TIMP2: variants seen among roughly 807,000 people sequenced by gnomAD.
The protein encoded by TIMP2 is metalloproteinase inhibitor 2.
Under a neutral mutation model 24.3 loss-of-function variants are expected in TIMP2, and 5 were observed. That is an observed-to-expected ratio of 0.21 (90% CI 0.11 to 0.43). TIMP2 has a LOEUF of 0.43. TIMP2 is among the 20% of genes least tolerant of loss of function. The pLI, the probability that TIMP2 is intolerant of heterozygous loss-of-function variation, is 1.00. For synonymous variants in TIMP2, 130 were observed against 123.2 expected (o/e 1.06, Z -0.37); for missense variants, 221 against 297.5 (o/e 0.74, Z 1.89).
At chr17:78,915,126 A>T (rs1005705272) in intron 1 of TIMP2, among the ~76,000 whole-genome samples, 1 of 143,592 alleles carries the variant, frequency 7.0e-6, no homozygotes, top group Non-Finnish European at 1.5e-5. Context: ...CAAACTCCTG[A>T]CCTCAGGTGA....
intron 1 of TIMP2, among the ~76,000 whole-genome samples, chr17:78,923,325 T>C (rs1182061324): frequency 7.1e-6 from 1 of 141,268 alleles, no homozygotes; most frequent in Non-Finnish European, 1.5e-5. Flanking sequence ...CCTTAACTTA[T>C]GCCAAGCAAG....
Position 78,855,303 on chromosome 17 carries a change from T to G in TIMP2, c.*364A>C. ...CAAAAGTTTCTGCAAAATGCACATT[T>G]CCAGGCCCTGCCCTAACCCAGCTGG... On this transcript the variant is annotated 3_prime_UTR_variant, in exon 5 of 5. Transcript: ENST00000262768. This position sits in a 1 kb window ranked among gnomAD's most constrained non-coding sequence, Gnocchi z 6.0. 1 of 325,788 alleles carries G rather than the reference T, an allele frequency of 3.1e-6. No individual in the cohort carries two copies. 20.2% of individuals were successfully genotyped at this position (325,788 alleles called of 1,614,324 possible).
In TIMP2 at chr17:78,896,756, C is replaced by T. The variant is rs1372935737; in HGVS notation, c.131-22837G>A. Reference sequence around the variant, plus strand: ...AGGCGAGTGGACACCAATCTGGCCTCCGGACGGCACCAGGGCCTCCCACAG... The same window carrying T: ...AGGCGAGTGGACACCAATCTGGCCTTCGGACGGCACCAGGGCCTCCCACAG... On this transcript the variant is annotated intron_variant, in intron 1 of 4. Transcript: ENST00000262768. The surrounding 1 kb of genome is among the most constrained non-coding windows in gnomAD (Gnocchi z 4.4). Among the ~76,000 whole-genome samples the T allele has an allele frequency of 6.6e-6, 1 of 152,148 alleles. No individual in the cohort carries two copies. The highest frequency in any genetic ancestry group is 1.5e-5 in the Non-Finnish European group (1 of 68,012).
At chr17:78,909,311 C>T (rs374603998) in intron 1 of TIMP2, among the ~76,000 whole-genome samples, 69 of 151,972 alleles carry the variant, frequency 4.5e-4, no homozygotes, top group African/African-American at 1.4e-3. Context: ...GCTAGGATCA[C>T]GCCACTGCAC....
In TIMP2 at chr17:78,879,626, T is replaced by C. The variant is rs145627774; in HGVS notation, c.131-5707A>G. On this transcript the variant is annotated intron_variant, in intron 1 of 4. Transcript: ENST00000262768. The stretch of plus-strand genomic sequence containing the variant: ...GGGGGAGTCTTTATAAAGACTCTCG[T>C]TCTAACTGCCCTGAGCCCAGAAACC... 9.8e-3 allele frequency among the ~76,000 whole-genome samples: 1,489 copies of C among 152,192 alleles called. 23 individuals are homozygous for C. Among genetic ancestry groups the C allele is most frequent in the African/African-American group, 0.035 (1,437 of 41,536 alleles).
intron 1 of TIMP2, among the ~76,000 whole-genome samples, chr17:78,893,609 G>A (rs1422844180): frequency 6.6e-6 from 1 of 151,996 alleles, no homozygotes; most frequent in African/African-American, 2.4e-5. Context: ...GTCTGTGTGT[G>A]CCTCTGTGTG....
At chr17:78,889,984 T>G (rs892066629) in intron 1 of TIMP2, among the ~76,000 whole-genome samples, 1 of 152,044 alleles carries the variant, frequency 6.6e-6, no homozygotes, top group Non-Finnish European at 1.5e-5. Context: ...CCAGGCATGG[T>G]GGCAGGCGCC....
intron 3 of TIMP2, among the ~76,000 whole-genome samples, chr17:78,863,546 T>C (rs1294919878): frequency 6.6e-6 from 1 of 152,170 alleles, no homozygotes; most frequent in Non-Finnish European, 1.5e-5. Flanking sequence ...TGGGCTGTTT[T>C]TAACTTTTTA....
At chr17:78,893,119 A>G (rs894154646) in intron 1 of TIMP2, among the ~76,000 whole-genome samples, 3 of 140,470 alleles carry the variant, frequency 2.1e-5, no homozygotes, top group Non-Finnish European at 1.6e-5. Context: ...GCACATGCAC[A>G]TGTGTGTGCA....
intron 1 of TIMP2, among the ~76,000 whole-genome samples, chr17:78,919,912 G>A (rs1157663895): frequency 2.0e-5 from 3 of 152,232 alleles, no homozygotes; most frequent in East Asian, 1.9e-4. Flanking sequence ...GAGCCTGTGC[G>A]TGCACCGGGG....
intron 1 of TIMP2, among the ~76,000 whole-genome samples, chr17:78,883,140 C>T (rs2069793405): frequency 6.6e-6 from 1 of 152,244 alleles, no homozygotes; most frequent in Non-Finnish European, 1.5e-5. Flanking sequence ...CCTCCAACCT[C>T]CTCGGCCCCC....
In TIMP2 at chr17:78,917,251, CA is replaced by C. The variant is rs10592875; in HGVS notation, c.130+7707del. Among the ~76,000 whole-genome samples, 545 of 77,400 alleles carry C rather than the reference CA, an allele frequency of 7.0e-3. 7 individuals are homozygous for C. The highest frequency in any genetic ancestry group is 0.024 in the African/African-American group (435 of 17,874). The allele number at this position is 77,400 out of a possible 152,430, so 50.8% of individuals were successfully genotyped here. A position where few individuals can be genotyped will look rare whatever the true frequency, so the allele number is the denominator to read the frequency against. On this transcript the variant is annotated intron_variant, in intron 1 of 4. Transcript: ENST00000262768. ...TGGGCGACAGAGCGAGACTCCGTCT[CA>C]AAAAAAAAAAAAAAAAAAAATACAA...
intron 1 of TIMP2, among the ~76,000 whole-genome samples, chr17:78,892,781 C>T (rs1025570881): frequency 3.9e-5 from 6 of 152,114 alleles, no homozygotes; most frequent in South Asian, 2.1e-4. Flanking sequence ...TGGGTGGAGG[C>T]GAGGGAGGCT....
intron 1 of TIMP2, chr17:78,890,502 G>A (rs1487861806): frequency 1.1e-5 from 12 of 1,046,762 alleles, no homozygotes; most frequent in Admixed American, 5.7e-5. Context: ...CACTGCACCC[G>A]GCCCCAGATT....
chr17:78,919,650 C>T (rs892460640), intron 1 of TIMP2, among the ~76,000 whole-genome samples: 6 of 152,084 alleles, frequency 3.9e-5, no homozygotes, highest in African/African-American at 9.7e-5. Context: ...CCGGCTAACA[C>T]GGTGAAACCC....
chr17:78,874,019 G>T, intron 1 of TIMP2, 100 bp from the exon 2 acceptor site: 2 of 1,088,518 alleles, frequency 1.8e-6, no homozygotes, highest in Non-Finnish European at 2.7e-6. Context: ...GGTGCTGGGG[G>T]GTTACAGACA....
At chr17:78,866,385 A>T (rs1030780635) in intron 3 of TIMP2, among the ~76,000 whole-genome samples, 3 of 150,636 alleles carry the variant, frequency 2.0e-5, no homozygotes, top group Non-Finnish European at 3.0e-5. Context: ...ACCCTTCTCC[A>T]TTTGATTTTT....
intron 1 of TIMP2, among the ~76,000 whole-genome samples, chr17:78,878,847 C>A (rs6501256): frequency 6.6e-6 from 1 of 152,050 alleles, no homozygotes; most frequent in Non-Finnish European, 1.5e-5. Context: ...CTTCAGGGTC[C>A]CTTTAAATTG....
At position 78,857,643 on chromosome 17, in the gene TIMP2, T is replaced by C; in HGVS notation, c.344A>G (p.Lys115Arg). 1.2e-6 allele frequency: 2 copies of C among 1,614,082 alleles called. No homozygotes were observed. The highest frequency in any genetic ancestry group is 1.7e-6 in the Non-Finnish European group (2 of 1,179,996). Residue 115 changes from lysine (K) to arginine (R), a missense_variant, in exon 4 of 5, where the codon AAG becomes AGG. Lys to Arg is a conservative substitution (Grantham distance 26, BLOSUM62 2). Transcript: ENST00000262768. Reference sequence around the variant, plus strand: ...GTGCATCTTGCCGTCCCCCTCGGCCTTTCCTGCGGAGAGACGGGGATCACC... The same window carrying C: ...GTGCATCTTGCCGTCCCCCTCGGCCCTTCCTGCGGAGAGACGGGGATCACC... ...GGKKEYLIAG[K>R]AEGDGKMHIT...
Sources: allele counts gnomAD v4.1 joint callset (sites outside exome capture counted in the v4.1 genomes callset), GRCh38; gene constraint gnomAD v4.1.1; non-coding constraint Gnocchi (gnomAD v3.1); transcripts MANE v1.5; gene names NCBI Gene and HGNC (gene_info 2026-07-23, HGNC 2026-07-21).